The following KMT2C variants were observed in gnomAD, a reference collection of about 807,000 sequenced individuals.
KMT2C encodes the protein histone-lysine N-methyltransferase 2C.
Under a neutral mutation model 507.9 loss-of-function variants are expected in KMT2C, and 88 were observed. The observed-to-expected ratio is 0.17, with a 90% CI of 0.15 to 0.21. KMT2C has a LOEUF of 0.21. KMT2C is among the 10% of genes least tolerant of loss of function. The pLI, the probability that KMT2C is intolerant of heterozygous loss-of-function variation, is 1.00. For synonymous variants in KMT2C, 2,049 were observed against 2,080.8 expected (o/e 0.98, Z 0.42); for missense variants, 4,954 against 5,957.8 (o/e 0.83, Z 5.55).
At chr7:152,293,259 T>C (rs1057282779) in intron 6 of KMT2C, among the ~76,000 whole-genome samples, 1 of 152,200 alleles carries the variant, frequency 6.6e-6, no homozygotes, top group African/African-American at 2.4e-5. Context: ...TGGCTGTCCA[T>C]GTGTGAAAAA....
In KMT2C at chr7:152,148,968, G is replaced by A. The variant is rs2091383258; in HGVS notation, c.12959C>T (p.Ala4320Val). The change falls in exon 52 of 59, where the codon GCC becomes GTC. Residue 4320 changes from alanine (A) to valine (V), a missense_variant. By Grantham distance (64) the Ala-to-Val change is moderately conservative. This residue lies in a region of KMT2C where 417 missense variants were observed against 461.1 expected (regional missense o/e 0.90). Coordinates refer to ENST00000262189, the MANE Select transcript of KMT2C (RefSeq NM_170606.3). The surrounding 1 kb of genome is among the most constrained non-coding windows in gnomAD (Gnocchi z 7.1). ...TGTCACCTTCAGCTCATCTGGCTTGGCCTCGACTTGGGCTGCTTCAAAAGC... is the reference window on the plus strand; with the variant it reads ...TGTCACCTTCAGCTCATCTGGCTTGACCTCGACTTGGGCTGCTTCAAAAGC... ...PPAFEAAQVE[A>V]KPDELKVTVK... 2 of 1,595,934 alleles carry A rather than the reference G, an allele frequency of 1.3e-6. No homozygotes were observed. The highest frequency in any genetic ancestry group is 8.5e-7 in the Non-Finnish European group (1 of 1,171,346).
intron 6 of KMT2C, among the ~76,000 whole-genome samples, chr7:152,280,112 G>C (rs113953177): frequency 0.026 from 2,767 of 107,244 alleles, no homozygotes; most frequent in African/African-American, 0.074. Context: ...TCTCCAGCTA[G>C]TAGCAAAAGG....
intron 18 of KMT2C, among the ~76,000 whole-genome samples, chr7:152,226,219 C>CTTTCTTTTTTTTTTTT (rs2094926929): frequency 1.1e-5 from 1 of 94,960 alleles, no homozygotes; most frequent in African/African-American, 4.2e-5. Flanking sequence ...ATTACAAGGC[C>CTTTCTTTTTTTTTTTT]TTTTTTTTTT....
intron 1 of KMT2C, among the ~76,000 whole-genome samples, chr7:152,361,495 AG>A (rs770078291): frequency 5.3e-5 from 8 of 152,188 alleles, no homozygotes; most frequent in African/African-American, 1.9e-4. Context: ...CCCGGGAGGC[AG>A]AGGTTGCGGT....
Position 152,156,262 on chromosome 7 carries a change from C to T in KMT2C, c.11755G>A (p.Gly3919Ser), listed in dbSNP as rs1377939017. The change falls in exon 45 of 59, where the codon GGT becomes AGT. Residue 3919 changes from glycine to serine, a missense_variant. Coordinates refer to ENST00000262189, the MANE Select transcript of KMT2C (RefSeq NM_170606.3). ...PPMACQKMAN[G>S]FATTEELAGK... The stretch of plus-strand genomic sequence containing the variant: ...GCAAGTTCTTCAGTTGTTGCAAAAC[C>T]ATTGGCCATCTTCTGACAAGCCATA... 2 of 1,614,098 alleles carry T rather than the reference C, an allele frequency of 1.2e-6. No homozygotes were observed. The highest frequency in any genetic ancestry group is 8.5e-7 in the Non-Finnish European group (1 of 1,180,014).
chr7:152,421,499 A>T (rs1450115525), intron 1 of KMT2C, among the ~76,000 whole-genome samples: 1 of 152,220 alleles, frequency 6.6e-6, no homozygotes, highest in Non-Finnish European at 1.5e-5. Flanking sequence ...CTAACTGCCC[A>T]TCAACAGCGG....
intron 1 of KMT2C, among the ~76,000 whole-genome samples, chr7:152,373,425 G>GAATAATAATTCAATAACAAATATTGAATT (rs1408510377): frequency 6.6e-6 from 1 of 152,116 alleles, no homozygotes; most frequent in Non-Finnish European, 1.5e-5. Flanking sequence ...AACAAATATT[G>GAATAATAATTCAATAACAAATATTGAATT]AGATAACAGC....
intron 2 of KMT2C, among the ~76,000 whole-genome samples, chr7:152,339,100 A>C (rs905722237): frequency 2.0e-5 from 3 of 152,236 alleles, no homozygotes; most frequent in Non-Finnish European, 2.9e-5. Flanking sequence ...ATAACAGGCT[A>C]TGTCAAAAAT....
In KMT2C at chr7:152,177,293, T is replaced by C. The variant is rs775878617; in HGVS notation, c.8160A>G (p.Leu2720=). The C allele has an allele frequency of 1.2e-6, 2 of 1,614,058 alleles. No homozygotes were observed. The highest frequency in any genetic ancestry group is 2.2e-5 in the East Asian group (1 of 44,890). ...CCTTGCCATCCTCTGTATCTAAATT[T>C]AAGTTTTCAAGATCTTCATCATCTA... ...KDLDDEDLEN[L]NLDTEDGKVV... Residue 2720 remains leucine, a synonymous_variant, in exon 38 of 59, where the codon TTA becomes TTG. Transcript: ENST00000262189.
chr7:152,139,142 CCCA>C (rs2090220995), intron 57 of KMT2C, 41 bp downstream of exon 57: 9 of 1,583,594 alleles, frequency 5.7e-6, no homozygotes, highest in Non-Finnish European at 7.8e-6. Context: ...CAGCACTGGC[CCCA>C]CAAGCAAAAG....
intron 2 of KMT2C, among the ~76,000 whole-genome samples, chr7:152,336,178 TAGC>T: frequency 6.6e-6 from 1 of 152,162 alleles, no homozygotes; most frequent in East Asian, 1.9e-4. Flanking sequence ...GCTTCCTAGA[TAGC>T]AGTAATTCCT....
At chr7:152,301,200 A>G (rs1489950239) in intron 6 of KMT2C, among the ~76,000 whole-genome samples, 1 of 120,372 alleles carries the variant, frequency 8.3e-6, no homozygotes, top group East Asian at 2.4e-4. Context: ...TGTCTCCTAA[A>G]AAAAAAAAAA....
chr7:152,300,782 G>C (rs1267117397), intron 6 of KMT2C, among the ~76,000 whole-genome samples: 1 of 152,084 alleles, frequency 6.6e-6, no homozygotes, highest in African/African-American at 2.4e-5. Flanking sequence ...AGAGCTGGCC[G>C]GGCACAGTGG....
chr7:152,255,118 T>TATATATATATATATATATAC (rs1563605471), intron 9 of KMT2C, among the ~76,000 whole-genome samples: 4 of 97,748 alleles, frequency 4.1e-5, no homozygotes, highest in African/African-American at 7.3e-5. Context: ...CTTATATATA[T>TATATATATATATATATATAC]ATATATATAT....
chr7:152,155,340 A>G (rs1254854887), intron 46 of KMT2C, among the ~76,000 whole-genome samples: 1 of 152,194 alleles, frequency 6.6e-6, no homozygotes, highest in African/African-American at 2.4e-5. Context: ...AGAGATAATT[A>G]TTTGATGAAG....
At chr7:152,137,860 T>C (rs561052427) in intron 58 of KMT2C, 1 of 152,284 alleles carries the variant, frequency 6.6e-6, no homozygotes, top group South Asian at 2.1e-4. Flanking sequence ...TCCCACACAC[T>C]GTCTTATTTA....
At chr7:152,229,745 T>C (rs1055636490) in intron 18 of KMT2C, among the ~76,000 whole-genome samples, 178 bp downstream of exon 18, 27 of 152,178 alleles carry the variant, frequency 1.8e-4, no homozygotes, top group African/African-American at 6.3e-4. Context: ...ATAAGATTTA[T>C]AGAGGAGCAA....
chr7:152,380,398 C>T (rs1327647706), intron 1 of KMT2C, among the ~76,000 whole-genome samples: 1 of 152,236 alleles, frequency 6.6e-6, no homozygotes, highest in African/African-American at 2.4e-5. Context: ...TGAAACCCCA[C>T]CTCTACTAAA....
chr7:152,256,592 G>A (rs981641168), intron 9 of KMT2C, among the ~76,000 whole-genome samples: 27 of 152,128 alleles, frequency 1.8e-4, no homozygotes, highest in East Asian at 7.7e-4. Flanking sequence ...GAACAAATAA[G>A]CTGGCAGAAA....
Sources: gnomAD v4.1 joint callset for allele counts (sites outside exome capture counted in the v4.1 genomes callset) on GRCh38, gnomAD v4.1.1 for gene constraint, gnomAD v4.1.1 regional missense constraint, Gnocchi (gnomAD v3.1) non-coding constraint, MANE v1.5 for transcripts, NCBI Gene and HGNC (gene_info 2026-07-23, HGNC 2026-07-21) for gene names.